The following TCFL5 variants were observed in gnomAD, a reference collection of about 807,000 sequenced individuals.
TCFL5 encodes transcription factor like 5.
A neutral mutation model predicts 44.3 loss-of-function variants in TCFL5; 9 were observed. The observed-to-expected ratio is 0.20, with a 90% CI of 0.12 to 0.35. The LOEUF (loss-of-function observed/expected upper bound fraction) is 0.35, where lower values mean the gene tolerates loss of function less well. Among genes scored for constraint, TCFL5 ranks in the 10% least tolerant of loss-of-function variants. The pLI, the probability that TCFL5 is intolerant of heterozygous loss-of-function variation, is 1.00. For missense variants in TCFL5, 603 were observed against 613.4 expected (o/e 0.98, Z 0.18); for synonymous variants, 319 against 271.6 (o/e 1.17, Z -1.72).
chr20:62,854,544 G>A (rs980381802), intron 4 of TCFL5, among the ~76,000 whole-genome samples: 3 of 152,100 alleles, frequency 2.0e-5, no homozygotes, highest in Non-Finnish European at 4.4e-5. Flanking sequence ...GTCCAAATTG[G>A]GCAGATAACT....
intron 5 of TCFL5, chr20:62,845,442 G>C: frequency 7.6e-7 from 1 of 1,308,882 alleles, no homozygotes; most frequent in Non-Finnish European, 9.8e-7. Flanking sequence ...ATTTTAAAAG[G>C]TTTTAGGATG....
chr20:62,852,850 A>G (rs1310960995), intron 5 of TCFL5: 1 of 1,289,406 alleles, frequency 7.8e-7, no homozygotes, highest in East Asian at 5.6e-5. Context: ...AGTCCACAAA[A>G]GTATGTTCAC....
intron 4 of TCFL5, among the ~76,000 whole-genome samples, chr20:62,856,367 C>T (rs2063890689): frequency 6.6e-6 from 1 of 151,658 alleles, no homozygotes; most frequent in Non-Finnish European, 1.5e-5. Flanking sequence ...GACAAAACCA[C>T]TTAAATAACA....
chr20:62,857,667 T>A (rs1011221326), intron 3 of TCFL5, 29 bp from the exon 4 acceptor site: 21 of 1,603,680 alleles, frequency 1.3e-5, no homozygotes, highest in Non-Finnish European at 1.7e-5. Context: ...AAGTGGTTTT[T>A]AATTTTGTAT....
chr20:62,846,422 C>A (rs886630106), intron 5 of TCFL5, among the ~76,000 whole-genome samples: 5 of 152,178 alleles, frequency 3.3e-5, no homozygotes, highest in Admixed American at 2.0e-4. Context: ...CTCAGCTGAG[C>A]CCAGGCCAAA....
rs183195592 is a variant in TCFL5 at position 62,845,161 on chromosome 20, G to A, written c.1381-3064C>T. On this transcript the variant is annotated intron_variant, in intron 5 of 5. Coordinates refer to ENST00000335351, the MANE Select transcript of TCFL5 (RefSeq NM_006602.4). ...TTGGATATGGAGTTTCACTCTTGTC[G>A]CCCAGACTGGGGTGCAATGGCACGA... 5,731 of 977,022 alleles carry A rather than the reference G, an allele frequency of 5.9e-3. 20 individuals are homozygous for A. Among genetic ancestry groups the A allele is most frequent in the Non-Finnish European group, 6.5e-3 (5,387 of 826,288 alleles). The allele number at this position is 977,022 out of a possible 1,614,324, so 60.5% of individuals were successfully genotyped here.
At chr20:62,846,514 G>A (rs1400181493) in intron 5 of TCFL5, among the ~76,000 whole-genome samples, 1 of 152,198 alleles carries the variant, frequency 6.6e-6, no homozygotes, top group African/African-American at 2.4e-5. Context: ...ATGTGAAATC[G>A]TTGAGTTTTA....
At chr20:62,855,701 G>A (rs931755891) in intron 4 of TCFL5, among the ~76,000 whole-genome samples, 4 of 152,026 alleles carry the variant, frequency 2.6e-5, no homozygotes, top group Non-Finnish European at 5.9e-5. Flanking sequence ...GGGAGGCGAA[G>A]GTTGCGTTGA....
chr20:62,844,561 G>GT (rs911762716), intron 5 of TCFL5, among the ~76,000 whole-genome samples: 1,692 of 138,896 alleles, frequency 0.012, 23 homozygotes, highest in African/African-American at 0.043. Flanking sequence ...TTTTTTTTCT[G>GT]TTTTTTTTTG....
intron 5 of TCFL5, chr20:62,851,994 G>T (rs887414098): frequency 2.2e-6 from 1 of 460,918 alleles, no homozygotes; most frequent in Non-Finnish European, 2.6e-6. Context: ...TAATAGAGAC[G>T]GGGGTCTCAT....
chr20:62,851,550 A>C (rs2147263363), intron 5 of TCFL5: 1 of 985,390 alleles, frequency 1.0e-6, no homozygotes, highest in Non-Finnish European at 1.2e-6. Context: ...CTCTAACAAT[A>C]ATCTTCAAGA....
intron 5 of TCFL5, among the ~76,000 whole-genome samples, chr20:62,843,793 G>A (rs755255965): frequency 5.3e-5 from 8 of 152,274 alleles, no homozygotes; most frequent in Non-Finnish European, 4.4e-5. Flanking sequence ...TCCACTTTCT[G>A]TCTCTCTGAA....
Position 62,841,064 on chromosome 20 carries a change from A to C in TCFL5, c.*911T>G. 2.1e-5 allele frequency: 6 copies of C among 283,708 alleles called. No homozygotes were observed. The highest frequency in any genetic ancestry group is 8.9e-5 in the East Asian group (1 of 11,196). The allele number at this position is 283,708 out of a possible 1,614,324, so 17.6% of individuals were successfully genotyped here. On this transcript the variant is annotated 3_prime_UTR_variant, in exon 6 of 6. Transcript: ENST00000335351. The stretch of plus-strand genomic sequence containing the variant: ...GCATTTGTGTAAAGACTATGATCTC[A>C]TCCCAATAAAATGATATATTAAACC...
At chr20:62,845,407 G>C in intron 5 of TCFL5, 7 of 1,220,498 alleles carry the variant, frequency 5.7e-6, no homozygotes, top group Non-Finnish European at 7.2e-6. Context: ...ACAGGCGTGA[G>C]CTACGACGCC....
chr20:62,861,367 C>A lies in TCFL5; in HGVS notation c.304G>T (p.Ala102Ser). 1 of 1,066,596 alleles carries A rather than the reference C, an allele frequency of 9.4e-7. No homozygotes were observed. Among genetic ancestry groups the A allele is most frequent in the Non-Finnish European group, 1.1e-6 (1 of 885,988 alleles). 66.1% of individuals were successfully genotyped at this position (1,066,596 alleles called of 1,614,324 possible). ...CACAGCACGGGGTACACGGGCGCCG[C>A]GCCCCCCTGACCGCCCGCCGCGAAG... ...GGFAAGGQGGAAPVYPVLCPS... is the reference protein window; with the variant it reads ...GGFAAGGQGGSAPVYPVLCPS... The change falls in exon 1 of 6, where the codon GCG becomes TCG. Residue 102 changes from alanine (A) to serine (S), a missense_variant. Ala to Ser is a moderately conservative substitution (Grantham distance 99, BLOSUM62 1). Coordinates refer to ENST00000335351, the MANE Select transcript of TCFL5 (RefSeq NM_006602.4). This position sits in a 1 kb window ranked among gnomAD's most constrained non-coding sequence, Gnocchi z 4.0.
At chr20:62,852,161 T>C (rs1383220201) in intron 5 of TCFL5, 5 of 985,354 alleles carry the variant, frequency 5.1e-6, no homozygotes, top group Non-Finnish European at 6.0e-6. Context: ...GTTTGTTCTC[T>C]AGTCAGACTC....
chr20:62,841,096 TTAA>T lies in TCFL5; in HGVS notation c.*876_*878del, dbSNP rs1435556341. Reference sequence around the variant, plus strand: ...TAAAATGATATATTAAACCTTCAGATTAATGACTGGCTACAGAGTAACAAAAAA... The same window carrying T: ...TAAAATGATATATTAAACCTTCAGATTGACTGGCTACAGAGTAACAAAAAA... On this transcript the variant is annotated 3_prime_UTR_variant, in exon 6 of 6. Transcript: ENST00000335351. The T allele has an allele frequency of 3.8e-5, 9 of 237,152 alleles. No homozygotes were observed. The East Asian group carries it at 8.1e-4, about 21-fold the overall frequency. 14.7% of individuals were successfully genotyped at this position (237,152 alleles called of 1,614,324 possible). A position where few individuals can be genotyped will look rare whatever the true frequency, so the allele number is the denominator to read the frequency against.
In TCFL5 at chr20:62,861,057, G is replaced by T. The variant is rs2063994048; in HGVS notation, c.614C>A (p.Pro205His). 1 of 995,620 alleles carries T rather than the reference G, an allele frequency of 1.0e-6. No homozygotes were observed. Among genetic ancestry groups the T allele is most frequent in the Admixed American group, 6.1e-5 (1 of 16,334 alleles). 61.7% of individuals were successfully genotyped at this position (995,620 alleles called of 1,614,324 possible). A position where few individuals can be genotyped will look rare whatever the true frequency, so the allele number is the denominator to read the frequency against. The change falls in exon 1 of 6, where the codon CCC becomes CAC. Residue 205 changes from proline (P) to histidine (H), a missense_variant. Pro to His is a moderately conservative substitution (Grantham distance 77, BLOSUM62 -2). Around this residue, in one of 4 missense-constraint regions of TCFL5, gnomAD observed 540 missense variants for 478.7 expected, o/e 1.13. Coordinates refer to ENST00000335351, the MANE Select transcript of TCFL5 (RefSeq NM_006602.4). This position sits in a 1 kb window ranked among gnomAD's most constrained non-coding sequence, Gnocchi z 4.0. Reference protein sequence around the residue: ...PAEPPPAPRGPEPPEPGGALN... With the variant: ...PAEPPPAPRGHEPPEPGGALN... ...CGCCCCGCCCGGCTCGGGGGGCTCG[G>T]GGCCGCGCGGCGCGGGCGGCGGCTC... is the stretch of plus-strand genomic sequence containing the variant.
chr20:62,856,339 C>A (rs1207392571), intron 4 of TCFL5, among the ~76,000 whole-genome samples: 2 of 150,680 alleles, frequency 1.3e-5, no homozygotes, highest in Non-Finnish European at 3.0e-5. Context: ...AAGAAGGATA[C>A]CACAAATAAA....
Sources: allele counts gnomAD v4.1 joint callset (sites outside exome capture counted in the v4.1 genomes callset), GRCh38; gene constraint gnomAD v4.1.1; regional missense constraint gnomAD v4.1.1; non-coding constraint Gnocchi (gnomAD v3.1); transcripts MANE v1.5; gene names NCBI Gene and HGNC (gene_info 2026-07-23, HGNC 2026-07-21).